ZNF804B: variants seen among roughly 807,000 people sequenced by gnomAD.
ZNF804B encodes zinc finger protein 804B.
A neutral mutation model predicts 101.4 loss-of-function variants in ZNF804B; 80 were observed. The observed-to-expected ratio is 0.79, with a 90% CI of 0.66 to 0.95. ZNF804B has a LOEUF of 0.95. Among genes scored for constraint, ZNF804B ranks in the 40% least tolerant of loss-of-function variants. The probability of loss-of-function intolerance (pLI) is 0.00; values close to 1 mark genes in which losing one functional copy is unlikely to be tolerated. For synonymous variants in ZNF804B, 622 were observed against 558.8 expected (o/e 1.11, Z -1.59); for missense variants, 1,673 against 1,561.9 (o/e 1.07, Z -1.20).
At chr7:89,125,329 T>C (rs1158598994) in intron 1 of ZNF804B, among the ~76,000 whole-genome samples, 2 of 151,938 alleles carry the variant, frequency 1.3e-5, no homozygotes, top group Non-Finnish European at 2.9e-5. Flanking sequence ...TTGATATGAA[T>C]GTATATATAT....
At chr7:89,319,237 G>A (rs1432895069) in intron 2 of ZNF804B, among the ~76,000 whole-genome samples, 1 of 152,030 alleles carries the variant, frequency 6.6e-6, no homozygotes. Context: ...ATTTGGGGGG[G>A]CTTGCTCCCA....
intron 1 of ZNF804B, among the ~76,000 whole-genome samples, chr7:89,109,095 A>T (rs538853872): frequency 8.5e-5 from 13 of 152,156 alleles, no homozygotes; most frequent in East Asian, 3.9e-4. Flanking sequence ...AAGGAGAAAA[A>T]TTTTTTAAAT....
At chr7:88,774,357 G>A (rs1790113133) in intron 1 of ZNF804B, among the ~76,000 whole-genome samples, 1 of 152,018 alleles carries the variant, frequency 6.6e-6, no homozygotes, top group African/African-American at 2.4e-5. Context: ...AGAGGCTGAG[G>A]GGATGTTCTA....
chr7:89,182,641 T>C (rs577191152), intron 1 of ZNF804B, among the ~76,000 whole-genome samples: 2 of 152,276 alleles, frequency 1.3e-5, no homozygotes, highest in South Asian at 4.1e-4. Flanking sequence ...GGAGCTGAGT[T>C]TCTTCTCTCC....
intron 1 of ZNF804B, among the ~76,000 whole-genome samples, chr7:88,974,156 T>G (rs1299138117): frequency 6.6e-6 from 1 of 151,198 alleles, no homozygotes; most frequent in Non-Finnish European, 1.5e-5. Context: ...CTGCAGATAG[T>G]GAAGAAAAGT....
At chr7:88,902,514 A>G (rs1253396598) in intron 1 of ZNF804B, among the ~76,000 whole-genome samples, 1 of 152,044 alleles carries the variant, frequency 6.6e-6, no homozygotes, top group Non-Finnish European at 1.5e-5. Flanking sequence ...ATCAGTGAGT[A>G]TATAACATTT....
At chr7:89,141,065 G>C (rs1428037649) in intron 1 of ZNF804B, among the ~76,000 whole-genome samples, 1 of 152,016 alleles carries the variant, frequency 6.6e-6, no homozygotes, top group Admixed American at 6.6e-5. Context: ...AGGGCCAAAG[G>C]AGAGGAGGGG....
In ZNF804B at chr7:89,301,247, T is replaced by A. The variant is rs186103119; in HGVS notation, c.250-26097T>A. 4.1e-4 allele frequency among the ~76,000 whole-genome samples: 62 copies of A among 151,768 alleles called. No homozygotes were observed. In the East Asian group the frequency reaches 7.8e-3, roughly 19 times the overall value. On this transcript the variant is annotated intron_variant, in intron 2 of 3. Transcript: ENST00000333190. ...GTCTTATTTTTTAGAGTTTAGCTGA[T>A]CTCCTTGATAAACAAGTTTATTCAT...
At chr7:88,822,997 T>G (rs934220095) in intron 1 of ZNF804B, among the ~76,000 whole-genome samples, 2 of 151,784 alleles carry the variant, frequency 1.3e-5, no homozygotes, top group Admixed American at 1.3e-4. Context: ...TACCACAAGG[T>G]AAGGAGTTCA....
intron 2 of ZNF804B, among the ~76,000 whole-genome samples, chr7:89,312,674 T>C (rs1790663111): frequency 6.6e-6 from 1 of 152,150 alleles, no homozygotes; most frequent in Admixed American, 6.6e-5. Flanking sequence ...ACTATGTGTT[T>C]GTATTGCAAC....
chr7:88,845,299 G>GCATACA (rs369657042), intron 1 of ZNF804B, among the ~76,000 whole-genome samples: 2 of 138,400 alleles, frequency 1.4e-5, no homozygotes, highest in Admixed American at 7.2e-5. Flanking sequence ...GCGCACGCGC[G>GCATACA]CGCACACACA....
chr7:89,336,886 C>G lies in ZNF804B; in HGVS notation c.3904C>G (p.Pro1302Ala). 6.2e-7 allele frequency: 1 copy of G among 1,614,098 alleles called. No homozygotes were observed. The highest frequency in any genetic ancestry group is 8.5e-7 in the Non-Finnish European group (1 of 1,180,006). ...TACATTGTTTGGTCCTCACTTAAAT[C>G]CAGCCACAACTTCTATCATCCACTT... ...IPTLFGPHLN[P>A]ATTSIIHLNP... Residue 1302 changes from proline (P) to alanine (A), a missense_variant, in exon 4 of 4, where the codon CCA becomes GCA. Transcript: ENST00000333190.
intron 1 of ZNF804B, among the ~76,000 whole-genome samples, chr7:89,072,617 TA>T (rs1423265987): frequency 3.3e-5 from 5 of 152,038 alleles, no homozygotes; most frequent in Admixed American, 3.3e-4. Flanking sequence ...ACAGTATGAA[TA>T]AATATTCTAT....
At chr7:89,308,218 G>A (rs577516071) in intron 2 of ZNF804B, among the ~76,000 whole-genome samples, 1 of 152,226 alleles carries the variant, frequency 6.6e-6, no homozygotes, top group South Asian at 2.1e-4. Context: ...TAAGGCATTA[G>A]AAAAGACGAT....
intron 1 of ZNF804B, among the ~76,000 whole-genome samples, chr7:89,168,712 G>T (rs1372767553): frequency 6.8e-6 from 1 of 146,754 alleles, no homozygotes; most frequent in Non-Finnish European, 1.5e-5. Flanking sequence ...TTTTGCACGG[G>T]CCTGCTCATG....
chr7:89,309,137 T>C (rs38935), intron 2 of ZNF804B, among the ~76,000 whole-genome samples: 52,683 of 151,852 alleles, frequency 0.35, 9,602 homozygotes, highest in Non-Finnish European at 0.4. Context: ...CCTTGCCCCC[T>C]TCCCTTCCTT....
intron 2 of ZNF804B, among the ~76,000 whole-genome samples, chr7:89,268,914 C>T (rs13247554): frequency 0.17 from 25,461 of 152,004 alleles, 2,687 homozygotes; most frequent in African/African-American, 0.29. Flanking sequence ...GCAGATGGTG[C>T]CTATTATTTT....
At chr7:89,292,930 A>G (rs1297426156) in intron 2 of ZNF804B, among the ~76,000 whole-genome samples, 1 of 152,064 alleles carries the variant, frequency 6.6e-6, no homozygotes, top group Non-Finnish European at 1.5e-5. Context: ...CACACTTAAA[A>G]CTATAAAACA....
intron 1 of ZNF804B, among the ~76,000 whole-genome samples, chr7:88,966,110 A>G (rs1396884840): frequency 6.6e-6 from 1 of 151,520 alleles, no homozygotes; most frequent in East Asian, 2.0e-4. Flanking sequence ...TGACTAAACC[A>G]TGCAGTAGCC....
Sources: gnomAD v4.1 joint callset for allele counts (sites outside exome capture counted in the v4.1 genomes callset) on GRCh38, gnomAD v4.1.1 for gene constraint, MANE v1.5 for transcripts, NCBI Gene and HGNC (gene_info 2026-07-23, HGNC 2026-07-21) for gene names.